Variants in CELSR3 observed in about 807,000 individuals in gnomAD.
The protein encoded by CELSR3 is EGF-like protein 1.
A neutral mutation model predicts 270.0 loss-of-function variants in CELSR3; 73 were observed. The observed-to-expected ratio is 0.27, with a 90% CI of 0.22 to 0.33. The LOEUF (loss-of-function observed/expected upper bound fraction) is 0.33. Ranked by LOEUF, CELSR3 falls within the 10% of genes least tolerant of loss-of-function variation. CELSR3 has a pLI of 1.00. For missense variants in CELSR3, 3,614 were observed against 4,533.8 expected (o/e 0.80, Z 5.83); for synonymous variants, 1,780 against 1,905.4 (o/e 0.93, Z 1.71).
rs780341794 is a variant in CELSR3, at chr3:48,646,731, G to A, written c.7295+32C>T. The A allele has an allele frequency of 3.0e-5, 48 of 1,588,776 alleles. No individual in the cohort carries two copies. In the Admixed American group the frequency reaches 3.5e-4, roughly 12 times the overall value. On this transcript the variant is annotated intron_variant, in intron 21 of 34. Transcript: ENST00000164024. The surrounding 1 kb of genome is among the most constrained non-coding windows in gnomAD (Gnocchi z 4.8). Reference sequence around the variant, plus strand: ...AAGGGGCTGCCAGGCTGAGAAGTTCGTAGGAAGCTCAGGGGTGAGGGGCCT... The same window carrying A: ...AAGGGGCTGCCAGGCTGAGAAGTTCATAGGAAGCTCAGGGGTGAGGGGCCT...
In CELSR3 at chr3:48,657,432, A is replaced by G. The variant is rs2077032902; in HGVS notation, c.3749-84T>C. The G allele has an allele frequency of 4.3e-6, 6 of 1,387,328 alleles. No homozygotes were observed. 85.9% of individuals were successfully genotyped at this position (1,387,328 alleles called of 1,614,324 possible). On this transcript the variant is annotated intron_variant, in intron 1 of 34. Transcript: ENST00000164024. This position sits in a 1 kb window ranked among gnomAD's most constrained non-coding sequence, Gnocchi z 5.4. ...ACACAAGAGGGCTGGGGCCAGCGAT[A>G]GCCTAGGCCCCCAGAACCTCTAAGT... is the stretch of plus-strand genomic sequence containing the variant.
chr3:48,641,179 G>A lies in CELSR3; in HGVS notation c.9025+145C>T, dbSNP rs560508712. 2.4e-5 allele frequency: 16 copies of A among 655,434 alleles called. No homozygotes were observed. Among genetic ancestry groups the A allele is most frequent in the African/African-American group, 1.8e-4 (10 of 55,248 alleles). 40.6% of individuals were successfully genotyped at this position (655,434 alleles called of 1,614,324 possible). ...AGGACAGGAGCAGTCCCTGAGGACC[G>A]TGAAGCAGGCTAGAGAAGCAGAAGC... On this transcript the variant is annotated intron_variant, in intron 33 of 34. Transcript: ENST00000164024. The surrounding 1 kb of genome is among the most constrained non-coding windows in gnomAD (Gnocchi z 4.8).
rs374630213 is a variant in CELSR3 at position 48,660,579 on chromosome 3, A to G, written c.2056T>C (p.Leu686=). Residue 686 remains leucine (L), a synonymous_variant, in exon 1 of 35, where the codon TTG becomes CTG. Transcript: ENST00000164024. This position sits in a 1 kb window ranked among gnomAD's most constrained non-coding sequence, Gnocchi z 5.5. ...VDADHGENAR[L]EYSLTGVAPD... ...GCCACACCAGTTAGGGAGTACTCCA[A>G]TCTGGCATTCTCCCCATGGTCTGCA... is the stretch of plus-strand genomic sequence containing the variant. 3.7e-6 allele frequency: 6 copies of G among 1,614,204 alleles called. No homozygotes were observed. The highest frequency in any genetic ancestry group is 2.2e-5 in the East Asian group (1 of 44,888).
Position 48,655,458 on chromosome 3 carries a change from T to A in CELSR3, c.4742-64A>T, listed in dbSNP as rs916496913. 6.0e-5 allele frequency: 92 copies of A among 1,536,950 alleles called. 2 individuals carry two copies. In the South Asian group the frequency reaches 1.0e-3, roughly 17 times the overall value. On this transcript the variant is annotated intron_variant, in intron 4 of 34. Coordinates refer to ENST00000164024, the MANE Select transcript of CELSR3 (RefSeq NM_001407.3). The surrounding 1 kb of genome is among the most constrained non-coding windows in gnomAD (Gnocchi z 5.8). The stretch of plus-strand genomic sequence containing the variant: ...GAGTCGCCCCATCCCACCCGTCATA[T>A]AAGCACAACCATTCCCAGGGCCACC...
In CELSR3 at chr3:48,648,324, G is replaced by T. The variant is rs772106170; in HGVS notation, c.6915C>A (p.Leu2305=). The T allele has an allele frequency of 1.1e-5, 17 of 1,611,946 alleles. No homozygotes were observed. Among genetic ancestry groups the T allele is most frequent in the Non-Finnish European group, 1.4e-5 (17 of 1,179,780 alleles). Residue 2305 remains leucine, a synonymous_variant, in exon 19 of 35, where the codon CTC becomes CTA. Coordinates refer to ENST00000164024, the MANE Select transcript of CELSR3 (RefSeq NM_001407.3). ...GGTATGTGAGTTCCATATTCCTTGCGAGTGTGGCTGCATACTCCTCCAGGT... is the reference window on the plus strand; with the variant it reads ...GGTATGTGAGTTCCATATTCCTTGCTAGTGTGGCTGCATACTCCTCCAGGT... ...VRHLEEYAAT[L]ARNMELTYLN... is the part of the protein sequence containing the mutation.
chr3:48,649,280 G>A (rs2047115550), intron 16 of CELSR3, 65 bp from the exon 17 acceptor site: 5 of 1,281,788 alleles, frequency 3.9e-6, no homozygotes, highest in Non-Finnish European at 5.5e-6. Context: ...GATAACCGCA[G>A]CACCCTCTCC....
In CELSR3 at chr3:48,654,217, A is replaced by T; in HGVS notation, c.5152+72T>A. 1 of 1,592,004 alleles carries T rather than the reference A, an allele frequency of 6.3e-7. No homozygotes were observed. The highest frequency in any genetic ancestry group is 8.6e-7 in the Non-Finnish European group (1 of 1,165,540). On this transcript the variant is annotated intron_variant, in intron 7 of 34. Transcript: ENST00000164024. This position sits in a 1 kb window ranked among gnomAD's most constrained non-coding sequence, Gnocchi z 5.4. ...AAAGGAGACTGGCTTGAAGTCAGGT[A>T]TGGAGTCCTCCACTTCCTCCCTATG...
At position 48,655,431 on chromosome 3, in the gene CELSR3, C is replaced by T. The variant is rs545718762; in HGVS notation, c.4742-37G>A. On this transcript the variant is annotated intron_variant, in intron 4 of 34. Coordinates refer to ENST00000164024, the MANE Select transcript of CELSR3 (RefSeq NM_001407.3). The surrounding 1 kb of genome is among the most constrained non-coding windows in gnomAD (Gnocchi z 5.8). ...ATGCATGTGGAATCATCAGGAGCAG[C>T]GGAGTCGCCCCATCCCACCCGTCAT... The T allele has an allele frequency of 1.1e-5, 18 of 1,604,850 alleles. No individual in the cohort carries two copies. The highest frequency in any genetic ancestry group is 2.2e-5 in the East Asian group (1 of 44,818).
Position 48,639,057 on chromosome 3 carries a change from T to C in CELSR3, c.9911+617A>G, listed in dbSNP as rs1391325480. Among the ~76,000 whole-genome samples the C allele has an allele frequency of 6.6e-6, 1 of 152,090 alleles. No homozygotes were observed. Among genetic ancestry groups the C allele is most frequent in the Non-Finnish European group, 1.5e-5 (1 of 68,018 alleles). On this transcript the variant is annotated intron_variant, in intron 34 of 34. Transcript: ENST00000164024. The surrounding 1 kb of genome is among the most constrained non-coding windows in gnomAD (Gnocchi z 4.1). ...TCTCGGACTCCTGTGTATCCAGCTA[T>C]TTCCTGGGTCTGTCCGCCATCCCCT...
In CELSR3 at chr3:48,659,101, G is replaced by C. The variant is rs780674447; in HGVS notation, c.3534C>G (p.Asn1178Lys). Residue 1178 changes from asparagine to lysine, a missense_variant, in exon 1 of 35, where the codon AAC becomes AAG. Asn to Lys is a moderately conservative substitution (Grantham distance 94, BLOSUM62 0). Coordinates refer to ENST00000164024, the MANE Select transcript of CELSR3 (RefSeq NM_001407.3). This position sits in a 1 kb window ranked among gnomAD's most constrained non-coding sequence, Gnocchi z 8.1. The stretch of plus-strand genomic sequence containing the variant: ...AGGTGTCTGAACGGTTGGATACATA[G>C]TTGTTGAAGAGGATCTGGAAGTTGT... ...VLNNFQILFN[N>K]YVSNRSDTFP... The C allele has an allele frequency of 6.2e-7, 1 of 1,614,186 alleles. No individual in the cohort carries two copies. Among genetic ancestry groups the C allele is most frequent in the Non-Finnish European group, 8.5e-7 (1 of 1,180,042 alleles).
Position 48,639,805 on chromosome 3 carries a change from A to C in CELSR3, c.9780T>G (p.Ser3260=). The change falls in exon 34 of 35, where the codon TCT becomes TCG. Residue 3260 remains serine (S), a synonymous_variant. Coordinates refer to ENST00000164024, the MANE Select transcript of CELSR3 (RefSeq NM_001407.3). The surrounding 1 kb of genome is among the most constrained non-coding windows in gnomAD (Gnocchi z 4.1). The part of the protein sequence containing the change: ...LASFNSSALS[S]VQSSSTPLGP... The stretch of plus-strand genomic sequence containing the variant: ...CCAAGGGTGTGCTTGAAGATTGCAC[A>C]GAGGAGAGGGCCGAGGAGTTGAAAG... 1 of 1,613,892 alleles carries C rather than the reference A, an allele frequency of 6.2e-7. No homozygotes were observed. Among genetic ancestry groups the C allele is most frequent in the Non-Finnish European group, 8.5e-7 (1 of 1,180,000 alleles).
Position 48,661,427 on chromosome 3 carries a change from A to G in CELSR3, c.1208T>C (p.Val403Ala), listed in dbSNP as rs1324920818. ...RESMERHYLR[V>A]TAQDHGSPRL... ...CGGCGACCCGTGGTCCTGCGCGGTC[A>G]CACGCAGGTAGTGACGCTCCATGCT... Residue 403 changes from valine to alanine, a missense_variant, in exon 1 of 35, where the codon GTG becomes GCG. Around this residue, in one of 7 missense-constraint regions of CELSR3, gnomAD observed 354 missense variants for 500.9 expected, o/e 0.71. Transcript: ENST00000164024. 21 of 1,611,922 alleles carry G rather than the reference A, an allele frequency of 1.3e-5. No individual in the cohort carries two copies. Among genetic ancestry groups the G allele is most frequent in the Non-Finnish European group, 1.8e-5 (21 of 1,179,634 alleles).
chr3:48,657,257 C>T lies in CELSR3; in HGVS notation c.3840G>A (p.Glu1280=). Residue 1280 remains glutamate (E), a synonymous_variant, in exon 2 of 35, where the codon GAG becomes GAA. Transcript: ENST00000164024. This position sits in a 1 kb window ranked among gnomAD's most constrained non-coding sequence, Gnocchi z 5.4. ...LLANSLTVRL[E]NMWQERFLSP... ...ACAGGAAGCGCTCCTGCCACATGTT[C>T]TCAAGGCGCACGGTCAGGCTGTTGG... 6.2e-7 allele frequency: 1 copy of T among 1,613,020 alleles called. No individual in the cohort carries two copies.
In CELSR3 at chr3:48,642,489, C is replaced by G. The variant is rs775392088; in HGVS notation, c.8556-22G>C. 6.8e-6 allele frequency: 11 copies of G among 1,606,798 alleles called. No homozygotes were observed. Among genetic ancestry groups the G allele is most frequent in the Admixed American group, 6.8e-5 (4 of 59,116 alleles). ...GTCCCTGGAAAAGCAGGAGCCCCCC[C>G]ACCATGAAAGAGGGATGTGATGGGG... On this transcript the variant is annotated intron_variant, in intron 30 of 34. Coordinates refer to ENST00000164024, the MANE Select transcript of CELSR3 (RefSeq NM_001407.3). The surrounding 1 kb of genome is among the most constrained non-coding windows in gnomAD (Gnocchi z 6.1).
chr3:48,640,189 G>A lies in CELSR3; in HGVS notation c.9396C>T (p.Gly3132=), dbSNP rs767392135. Residue 3132 remains glycine, a synonymous_variant, in exon 34 of 35, where the codon GGC becomes GGT. Transcript: ENST00000164024. This position sits in a 1 kb window ranked among gnomAD's most constrained non-coding sequence, Gnocchi z 7.5. The part of the protein sequence containing the change: ...PRRQPPRDYP[G]AMAGRFGSRD... ...GTGACCCGAAGCGGCCAGCCATGGC[G>A]CCAGGGTAGTCCCGAGGTGGCTGCC... 43 of 1,612,590 alleles carry A rather than the reference G, an allele frequency of 2.7e-5. No individual in the cohort carries two copies. The highest frequency in any genetic ancestry group is 3.5e-5 in the Non-Finnish European group (41 of 1,179,950).
chr3:48,657,135 A>ACGTCTGTGT lies in CELSR3; in HGVS notation c.3953_3961dup (p.Asp1318_Asp1320dup). The ACGTCTGTGT allele has an allele frequency of 6.2e-7, 1 of 1,613,890 alleles. No homozygotes were observed. Among genetic ancestry groups the ACGTCTGTGT allele is most frequent in the Non-Finnish European group, 8.5e-7 (1 of 1,179,928 alleles). On this transcript the variant is annotated inframe_insertion, in exon 2 of 35. Transcript: ENST00000164024. This position sits in a 1 kb window ranked among gnomAD's most constrained non-coding sequence, Gnocchi z 5.4. ...ACTCACATTGAGCACGGTGCCCCCT[A>ACGTCTGTGT]CGTCTGTGTCGTTCTGGATGTTGAA...
chr3:48,650,708 G>A lies in CELSR3; in HGVS notation c.6371-127C>T. The A allele has an allele frequency of 9.7e-7, 1 of 1,033,440 alleles. No individual in the cohort carries two copies. The highest frequency in any genetic ancestry group is 1.6e-5 in the African/African-American group (1 of 61,498). 64.0% of individuals were successfully genotyped at this position (1,033,440 alleles called of 1,614,324 possible). ...CACTCCTGCTGGCTTCTCAGGAGCT[G>A]ACCTGTCAGATTCTGTGACAGGTCA... On this transcript the variant is annotated intron_variant, in intron 15 of 34. Coordinates refer to ENST00000164024, the MANE Select transcript of CELSR3 (RefSeq NM_001407.3). The surrounding 1 kb of genome is among the most constrained non-coding windows in gnomAD (Gnocchi z 5.1).
Position 48,654,916 on chromosome 3 carries a change from AG to A in CELSR3, c.4988+127del. ...AGGCTTTCAGGGTCTTTGAGAGGAG[AG>A]GGGAATCTTGGTGGTTTGGGGGAAA... On this transcript the variant is annotated intron_variant, in intron 6 of 34. Transcript: ENST00000164024. The surrounding 1 kb of genome is among the most constrained non-coding windows in gnomAD (Gnocchi z 5.4). 1 of 936,954 alleles carries A rather than the reference AG, an allele frequency of 1.1e-6. No homozygotes were observed. The highest frequency in any genetic ancestry group is 1.5e-5 in the South Asian group (1 of 65,780). The allele number at this position is 936,954 out of a possible 1,614,324, so 58.0% of individuals were successfully genotyped here.
At position 48,660,099 on chromosome 3, in the gene CELSR3, T is replaced by C. The variant is rs759726417; in HGVS notation, c.2536A>G (p.Ile846Val). The change falls in exon 1 of 35, where the codon ATC becomes GTC. Residue 846 changes from isoleucine (I) to valine (V), a missense_variant. Transcript: ENST00000164024. The surrounding 1 kb of genome is among the most constrained non-coding windows in gnomAD (Gnocchi z 5.5). ...TGAGTGTTGGCATCTGTGATGTTGA[T>C]GTGCACATAGCAGTGATCATGAAGG... is the stretch of plus-strand genomic sequence containing the variant. ...RALHDHCYVH[I>V]NITDANTHRP... The C allele has an allele frequency of 6.2e-6, 10 of 1,614,218 alleles. No homozygotes were observed. The Admixed American group carries it at 1.0e-4, about 16-fold the overall frequency.
Sources: allele counts gnomAD v4.1 joint callset (sites outside exome capture counted in the v4.1 genomes callset), GRCh38; gene constraint gnomAD v4.1.1; regional missense constraint gnomAD v4.1.1; non-coding constraint Gnocchi (gnomAD v3.1); transcripts MANE v1.5; gene names NCBI Gene and HGNC (gene_info 2026-07-23, HGNC 2026-07-21).